Variants in MAGI1 observed in about 807,000 individuals in gnomAD.
The protein encoded by MAGI1 is membrane-associated guanylate kinase, WW and PDZ domain-containing protein 1.
Under a neutral mutation model 139.9 loss-of-function variants are expected in MAGI1, and 58 were observed. The observed-to-expected ratio is 0.41, with a 90% CI of 0.34 to 0.52. The LOEUF (loss-of-function observed/expected upper bound fraction) is 0.52. MAGI1 is among the 20% of genes least tolerant of loss of function. The pLI is 0.12. For synonymous variants in MAGI1, 812 were observed against 737.9 expected (o/e 1.10, Z -1.63); for missense variants, 1,874 against 1,901.6 (o/e 0.99, Z 0.27).
intron 1 of MAGI1, among the ~76,000 whole-genome samples, chr3:65,688,778 C>A (rs1467241316): frequency 6.6e-6 from 1 of 152,128 alleles, no homozygotes; most frequent in African/African-American, 2.4e-5. Flanking sequence ...TCCTGAAAAC[C>A]CCTCTCTTAA....
At chr3:65,740,688 T>C (rs551607171) in intron 1 of MAGI1, among the ~76,000 whole-genome samples, 12 of 152,338 alleles carry the variant, frequency 7.9e-5, no homozygotes, top group East Asian at 5.8e-4. Flanking sequence ...CTGTTATCAA[T>C]AGACATTCTG....
intron 1 of MAGI1, among the ~76,000 whole-genome samples, chr3:65,953,628 G>GAAT (rs2063970616): frequency 1.3e-5 from 2 of 152,148 alleles, no homozygotes; most frequent in African/African-American, 4.8e-5. Flanking sequence ...CAGGGAGGCA[G>GAAT]GTGTACAAGG....
At chr3:65,890,446 C>G (rs78786775) in intron 1 of MAGI1, among the ~76,000 whole-genome samples, 1 of 152,172 alleles carries the variant, frequency 6.6e-6, no homozygotes, top group Admixed American at 6.5e-5. Context: ...CCGAGGAGGT[C>G]AGAAACATGT....
chr3:65,857,196 AGC>A (rs1373117588), intron 1 of MAGI1, among the ~76,000 whole-genome samples: 1 of 112,948 alleles, frequency 8.9e-6, no homozygotes, highest in Non-Finnish European at 2.0e-5. Context: ...CAGGAAACAG[AGC>A]TAATCTTTAC....
intron 5 of MAGI1, among the ~76,000 whole-genome samples, chr3:65,457,266 T>C (rs983398711): frequency 1.5e-4 from 23 of 152,318 alleles, no homozygotes; most frequent in African/African-American, 5.3e-4. Flanking sequence ...TACTTTATGA[T>C]TGGCTTTTCC....
At chr3:65,526,282 T>C (rs555049518) in intron 2 of MAGI1, among the ~76,000 whole-genome samples, 1 of 152,320 alleles carries the variant, frequency 6.6e-6, no homozygotes, top group African/African-American at 2.4e-5. Flanking sequence ...CAAATTAAGG[T>C]AACTTGGGAA....
Position 65,442,793 on chromosome 3 carries a change from C to T in MAGI1, c.1135G>A (p.Asp379Asn). Reference protein sequence around the residue: ...EDPVYGIYYVDHINRKTQYEN... With the variant: ...EDPVYGIYYVNHINRKTQYEN... ...TGTGGATTGTGAATGGGCACTTACT[C>T]TACATAGTAGATACCATAGACAGGG... The change falls in exon 8 of 23, where the codon GAC (aspartate) becomes AAC (asparagine). Residue 379 changes from aspartate to asparagine, a missense_variant and splice_region_variant. Coordinates refer to ENST00000402939, the MANE Select transcript of MAGI1 (RefSeq NM_001033057.2). 3 of 1,611,416 alleles carry T rather than the reference C, an allele frequency of 1.9e-6. No individual in the cohort carries two copies. Among genetic ancestry groups the T allele is most frequent in the Non-Finnish European group, 2.5e-6 (3 of 1,178,016 alleles).
chr3:65,950,348 C>A lies in MAGI1; in HGVS notation c.313+87648G>T, dbSNP rs1576220363. Among the ~76,000 whole-genome samples the A allele has an allele frequency of 2.0e-5, 3 of 152,042 alleles. No homozygotes were observed. The East Asian group carries it at 5.8e-4, about 29-fold the overall frequency. On this transcript the variant is annotated intron_variant, in intron 1 of 22. Transcript: ENST00000402939. ...AGCCAAAGATCTGGGTTCTTTGAAG[C>A]CTCAAAGAACCCTCCTGGTAAGGGT...
chr3:65,800,636 A>AT (rs967800932), intron 1 of MAGI1, among the ~76,000 whole-genome samples: 5 of 115,306 alleles, frequency 4.3e-5, no homozygotes, highest in East Asian at 7.5e-4. Context: ...TTTTAATTAG[A>AT]TTAAAAAAAA....
intron 1 of MAGI1, among the ~76,000 whole-genome samples, chr3:66,011,682 G>A (rs1328906951): frequency 2.6e-5 from 4 of 152,060 alleles, no homozygotes; most frequent in Non-Finnish European, 5.9e-5. Context: ...CCTGCAGGTC[G>A]GCTGGGCCTT....
intron 12 of MAGI1, among the ~76,000 whole-genome samples, chr3:65,418,971 G>C (rs1431641733): frequency 6.6e-6 from 1 of 152,168 alleles, no homozygotes. Context: ...TGGGTTCTGT[G>C]ATACAACGCT....
In MAGI1 at chr3:65,379,464, G is replaced by C. The variant is rs201945322; in HGVS notation, c.2792C>G (p.Pro931Arg). Residue 931 changes from proline (P) to arginine (R), a missense_variant, in exon 17 of 23, where the codon CCG becomes CGG. Pro to Arg is a moderately radical substitution (Grantham distance 103). Around this residue, in one of 5 missense-constraint regions of MAGI1, gnomAD observed 482 missense variants for 509.6 expected, o/e 0.95. Transcript: ENST00000402939. ...PASLTEEKRT[P>R]QGSQNSLNTV... ...GTTCAGCGAGTTCTGGCTGCCCTGC[G>C]GAGTGCGCTTCTCTTCTGTCAGCGA... is the stretch of plus-strand genomic sequence containing the variant. The C allele has an allele frequency of 4.8e-5, 77 of 1,614,074 alleles. No homozygotes were observed. The East Asian group carries it at 1.4e-3, about 29-fold the overall frequency.
At chr3:66,023,146 C>G (rs2068049954) in intron 1 of MAGI1, among the ~76,000 whole-genome samples, 1 of 152,168 alleles carries the variant, frequency 6.6e-6, no homozygotes, top group African/African-American at 2.4e-5. Flanking sequence ...TAAGTTGCAT[C>G]TCACATCAGA....
intron 2 of MAGI1, among the ~76,000 whole-genome samples, chr3:65,515,516 T>A (rs1431722527): frequency 1.3e-5 from 2 of 152,166 alleles, no homozygotes; most frequent in Non-Finnish European, 2.9e-5. Flanking sequence ...AATATAAAAT[T>A]CACACAATAG....
chr3:65,371,835 A>T (rs552355102), intron 18 of MAGI1: 133 of 389,566 alleles, frequency 3.4e-4, no homozygotes, highest in African/African-American at 2.8e-3. Context: ...CATCTGTTCA[A>T]GTTTTATCAT....
chr3:65,623,608 C>T (rs1234277611), intron 1 of MAGI1, among the ~76,000 whole-genome samples: 4 of 152,098 alleles, frequency 2.6e-5, no homozygotes, highest in African/African-American at 4.8e-5. Context: ...CCAGGAGTCA[C>T]GTGAGCTACA....
At chr3:66,029,490 A>T (rs1157840907) in intron 1 of MAGI1, among the ~76,000 whole-genome samples, 1 of 152,182 alleles carries the variant, frequency 6.6e-6, no homozygotes, top group African/African-American at 2.4e-5. Context: ...TATGGAACTC[A>T]TCTTCATGAC....
chr3:65,819,875 C>CAAAAAAAAAAAAAAAAA (rs3077818), intron 1 of MAGI1, among the ~76,000 whole-genome samples: 905 of 33,422 alleles, frequency 0.027, 173 homozygotes, highest in Admixed American at 0.042. Context: ...GACTCCATCT[C>CAAAAAAAAAAAAAAAAA]AAAAAAAAAA....
chr3:65,851,862 T>TA (rs1559942951), intron 1 of MAGI1, among the ~76,000 whole-genome samples: 2 of 152,150 alleles, frequency 1.3e-5, no homozygotes, highest in Admixed American at 1.3e-4. Context: ...TTCAGTAATA[T>TA]AAAAAAGTTT....
Sources: allele counts gnomAD v4.1 joint callset (sites outside exome capture counted in the v4.1 genomes callset), GRCh38; gene constraint gnomAD v4.1.1; regional missense constraint gnomAD v4.1.1; transcripts MANE v1.5; gene names NCBI Gene and HGNC (gene_info 2026-07-23, HGNC 2026-07-21).